SMAP1: variants seen among roughly 807,000 people sequenced by gnomAD.
The protein encoded by SMAP1 is small ArfGAP 1.
Under a neutral mutation model 58.5 loss-of-function variants are expected in SMAP1, and 24 were observed. The ratio of observed to expected loss-of-function variants is 0.41; its 90% confidence interval spans 0.30 to 0.58. The LOEUF is 0.58. Among genes scored for constraint, SMAP1 ranks in the 20% least tolerant of loss-of-function variants. The pLI is 0.29. For missense variants in SMAP1, 563 were observed against 566.3 expected, an observed-to-expected ratio of 0.99 and a Z score of 0.06; for synonymous variants, 216 against 196.6, an observed-to-expected ratio of 1.10 and a Z score of -0.82.
chr6:70,705,727 A>G (rs1767811070), intron 1 of SMAP1, among the ~76,000 whole-genome samples: 1 of 152,202 alleles, frequency 6.6e-6, no homozygotes, highest in South Asian at 2.1e-4. Context: ...AGTGACAGGT[A>G]TAGCGTTCTT....
intron 5 of SMAP1, 26 bp from the exon 6 acceptor site, chr6:70,798,631 T>C (rs753400915): frequency 6.8e-7 from 1 of 1,479,232 alleles, no homozygotes; most frequent in Non-Finnish European, 9.0e-7. Context: ...AAAGTAAACT[T>C]ATCAAAACTT....
In SMAP1 at chr6:70,792,855, C is replaced by G. The variant is rs1341979336; in HGVS notation, c.495+1086C>G. Among the ~76,000 whole-genome samples, 6 of 151,924 alleles carry G rather than the reference C, an allele frequency of 3.9e-5. No individual in the cohort carries two copies. The South Asian group carries it at 1.3e-3, about 32-fold the overall frequency. On this transcript the variant is annotated intron_variant, in intron 5 of 10. Transcript: ENST00000370455. ...TTTAAGCGTTGGGGGGTGGGTGTGA[C>G]AGAATCAGATTTTCATGTTGTAACA...
At chr6:70,817,506 T>A (rs1769691916) in intron 6 of SMAP1, among the ~76,000 whole-genome samples, 3 of 152,168 alleles carry the variant, frequency 2.0e-5, no homozygotes. Flanking sequence ...CTTTTTCTCT[T>A]CAAACACAGC....
intron 6 of SMAP1, among the ~76,000 whole-genome samples, chr6:70,826,934 C>CAAAAAAAAA (rs61069311): frequency 1.6e-4 from 12 of 76,606 alleles, no homozygotes; most frequent in African/African-American, 5.6e-4. Context: ...AACCGTGTCT[C>CAAAAAAAAA]AAAAAAAAAA....
chr6:70,731,556 CT>C (rs1174199824), intron 1 of SMAP1, among the ~76,000 whole-genome samples: 1 of 152,230 alleles, frequency 6.6e-6, no homozygotes, highest in East Asian at 1.9e-4. Flanking sequence ...ATCCTCTTTC[CT>C]TACCACCAGT....
intron 6 of SMAP1, among the ~76,000 whole-genome samples, chr6:70,805,252 A>C (rs1346122271): frequency 6.6e-6 from 1 of 151,846 alleles, no homozygotes; most frequent in Non-Finnish European, 1.5e-5. Context: ...CATTAATTTG[A>C]TCTTCAATCA....
chr6:70,806,463 G>GT (rs1372980465), intron 6 of SMAP1, among the ~76,000 whole-genome samples: 7 of 152,174 alleles, frequency 4.6e-5, no homozygotes, highest in Non-Finnish European at 1.0e-4. Flanking sequence ...GTGCTTCCTG[G>GT]TGAGGTGATG....
intron 2 of SMAP1, among the ~76,000 whole-genome samples, chr6:70,737,104 T>C (rs959608367): frequency 4.6e-5 from 7 of 152,188 alleles, no homozygotes; most frequent in African/African-American, 1.7e-4. Context: ...TTCTTTTGTT[T>C]TGTTTTGGTT....
intron 3 of SMAP1, among the ~76,000 whole-genome samples, chr6:70,768,652 T>G (rs1429391996): frequency 6.6e-6 from 1 of 152,228 alleles, no homozygotes; most frequent in East Asian, 1.9e-4. Flanking sequence ...TTCTTGTTTA[T>G]TAGTCTTGCT....
In SMAP1 at chr6:70,711,673, G is replaced by A. The variant is rs562906590; in HGVS notation, c.119-20705G>A. ...CTCCTGAGTATCTGGGATTACAGGC[G>A]CCTGCCACCATGCCCGGCTAATTTT... On this transcript the variant is annotated intron_variant, in intron 1 of 10. Transcript: ENST00000370455. 3.3e-5 allele frequency among the ~76,000 whole-genome samples: 5 copies of A among 151,844 alleles called. No homozygotes were observed. The South Asian group carries it at 8.3e-4, about 25-fold the overall frequency.
At chr6:70,696,195 CA>C (rs543090947) in intron 1 of SMAP1, among the ~76,000 whole-genome samples, 9 of 151,002 alleles carry the variant, frequency 6.0e-5, no homozygotes, top group East Asian at 1.9e-4. Flanking sequence ...CTTATCTTTT[CA>C]AAAAAAACAG....
chr6:70,755,756 T>A (rs776582338), intron 3 of SMAP1, among the ~76,000 whole-genome samples: 1 of 152,054 alleles, frequency 6.6e-6, no homozygotes, highest in Non-Finnish European at 1.5e-5. Context: ...TTTTAGACTG[T>A]TACTAGAAAC....
chr6:70,700,073 G>A (rs1280128055), intron 1 of SMAP1, among the ~76,000 whole-genome samples: 1 of 152,076 alleles, frequency 6.6e-6, no homozygotes, highest in Non-Finnish European at 1.5e-5. Context: ...TCACAGGAAT[G>A]GATTCCTCGT....
chr6:70,848,615 A>G (rs1242166913), intron 7 of SMAP1, among the ~76,000 whole-genome samples: 1 of 152,204 alleles, frequency 6.6e-6, no homozygotes, highest in Non-Finnish European at 1.5e-5. Flanking sequence ...AGTTGGTATA[A>G]CTGGAGATAA....
At chr6:70,684,056 A>G (rs1766832552) in intron 1 of SMAP1, among the ~76,000 whole-genome samples, 3 of 152,372 alleles carry the variant, frequency 2.0e-5, no homozygotes, top group South Asian at 4.1e-4. Flanking sequence ...CCAAACCGTT[A>G]TCTATGTAAT....
chr6:70,788,679 A>G (rs1022098846), intron 4 of SMAP1, among the ~76,000 whole-genome samples: 4 of 152,180 alleles, frequency 2.6e-5, no homozygotes, highest in Non-Finnish European at 5.9e-5. Context: ...AGCAGACTAG[A>G]GAAAAACCAG....
intron 1 of SMAP1, among the ~76,000 whole-genome samples, chr6:70,727,114 T>C (rs998565930): frequency 2.6e-5 from 4 of 152,030 alleles, no homozygotes; most frequent in Admixed American, 2.0e-4. Flanking sequence ...TTTTGTTTTT[T>C]GTTTTTTTTT....
chr6:70,695,945 A>G (rs1017513995), intron 1 of SMAP1, among the ~76,000 whole-genome samples: 1 of 152,194 alleles, frequency 6.6e-6, no homozygotes, highest in African/African-American at 2.4e-5. Context: ...TACAGCTTCA[A>G]TCTCATTTCT....
intron 1 of SMAP1, among the ~76,000 whole-genome samples, chr6:70,698,070 G>A (rs1582020657): frequency 1.3e-5 from 2 of 152,128 alleles, no homozygotes; most frequent in South Asian, 2.1e-4. Context: ...ACTTCCTTCA[G>A]CATTTCTTAT....
Sources: gnomAD v4.1 joint callset for allele counts (sites outside exome capture counted in the v4.1 genomes callset) on GRCh38, gnomAD v4.1.1 for gene constraint, MANE v1.5 for transcripts, NCBI Gene and HGNC (gene_info 2026-07-23, HGNC 2026-07-21) for gene names.